Variants in PCDHGA4 observed in about 807,000 individuals in gnomAD.
The protein encoded by PCDHGA4 is protocadherin gamma-A4.
PCDHGA4 carries 38 observed loss-of-function variants against 54.6 expected under a neutral mutation model. The observed-to-expected ratio is 0.70, with a 90% CI of 0.54 to 0.91. The LOEUF is 0.91. Among genes scored for constraint, PCDHGA4 ranks in the 40% least tolerant of loss-of-function variants. The pLI is 0.00. For synonymous variants in PCDHGA4, 511 were observed against 512.9 expected, an observed-to-expected ratio of 1.00 and a Z score of 0.05; for missense variants, 1,298 against 1,220.9, an observed-to-expected ratio of 1.06 and a Z score of -0.94.
intron 1 of PCDHGA4, among the ~76,000 whole-genome samples, chr5:141,462,442 A>C (rs890167032): frequency 1.3e-5 from 2 of 152,150 alleles, no homozygotes; most frequent in African/African-American, 4.8e-5. Context: ...GCTTACACAC[A>C]ACTGTGTAAC....
chr5:141,437,794 G>A (rs1162440523), intron 1 of PCDHGA4, among the ~76,000 whole-genome samples: 3 of 150,526 alleles, frequency 2.0e-5, no homozygotes, highest in Non-Finnish European at 4.4e-5. Flanking sequence ...CTGGAGTGCA[G>A]TGGCACTATC....
intron 1 of PCDHGA4, chr5:141,372,620 C>T: frequency 6.2e-7 from 1 of 1,613,992 alleles, no homozygotes. Flanking sequence ...TTCTCCCCAC[C>T]TACAGCGAAA....
chr5:141,361,838 G>T lies in PCDHGA4; in HGVS notation c.2514+4217G>T, dbSNP rs761837286. ...CCACGGGTGCTGTACCCCGCGCTGG[G>T]GCCTGATGGCTCCGCCCTCTTCGAT... On this transcript the variant is annotated intron_variant, in intron 1 of 3. Coordinates refer to ENST00000571252, the MANE Select transcript of PCDHGA4 (RefSeq NM_018917.4). 27 of 1,612,714 alleles carry T rather than the reference G, an allele frequency of 1.7e-5. No individual in the cohort carries two copies. Among genetic ancestry groups the T allele is most frequent in the Non-Finnish European group, 2.2e-5 (26 of 1,179,748 alleles).
intron 1 of PCDHGA4, chr5:141,424,621 T>C (rs560809778): frequency 6.6e-6 from 1 of 152,346 alleles, no homozygotes; most frequent in Non-Finnish European, 1.5e-5. Context: ...TAGAGTAGTT[T>C]GTGAATATAT....
chr5:141,470,452 G>A (rs981528762), intron 1 of PCDHGA4, among the ~76,000 whole-genome samples: 1 of 152,130 alleles, frequency 6.6e-6, no homozygotes, highest in Admixed American at 6.5e-5. Flanking sequence ...ATAGCATCTT[G>A]AATAGGATTT....
intron 1 of PCDHGA4, chr5:141,403,630 G>A (rs2094436948): frequency 3.1e-6 from 5 of 1,613,786 alleles, no homozygotes; most frequent in Middle Eastern, 3.3e-4. Flanking sequence ...CCAGCACAGT[G>A]CGCATCCATG....
chr5:141,453,032 G>A (rs2098754281), intron 1 of PCDHGA4, among the ~76,000 whole-genome samples: 1 of 152,132 alleles, frequency 6.6e-6, no homozygotes, highest in Admixed American at 6.5e-5. Flanking sequence ...TTAAAATAAA[G>A]TTTGTTTCTA....
intron 1 of PCDHGA4, chr5:141,371,069 C>T (rs1417206970): frequency 3.1e-6 from 5 of 1,613,908 alleles, no homozygotes; most frequent in South Asian, 1.1e-5. Context: ...GAAGCTGTAC[C>T]ACCCAGATCA....
At chr5:141,460,981 GTGTATA>G (rs1450537646) in intron 1 of PCDHGA4, among the ~76,000 whole-genome samples, 10 of 121,882 alleles carry the variant, frequency 8.2e-5, no homozygotes, top group African/African-American at 3.1e-4. Flanking sequence ...GTGTGTGTGT[GTGTATA>G]TATATATATG....
At chr5:141,448,573 A>AT (rs976781630) in intron 1 of PCDHGA4, among the ~76,000 whole-genome samples, 10 of 151,772 alleles carry the variant, frequency 6.6e-5, no homozygotes, top group East Asian at 5.8e-4. Flanking sequence ...TTATTTCCCC[A>AT]TTTTTTTTAC....
intron 1 of PCDHGA4, among the ~76,000 whole-genome samples, chr5:141,387,169 T>C (rs1428422324): frequency 4.6e-5 from 7 of 152,140 alleles, no homozygotes; most frequent in East Asian, 1.9e-4. Flanking sequence ...TAAGTATAAA[T>C]TGCACCTTCT....
intron 1 of PCDHGA4, chr5:141,398,636 A>G (rs770681129): frequency 6.2e-7 from 1 of 1,614,074 alleles, no homozygotes; most frequent in Non-Finnish European, 8.5e-7. Context: ...CTGCAGAAGT[A>G]TAAACTCTCT....
In PCDHGA4 at chr5:141,489,835, C is replaced by G; in HGVS notation, c.2515-4972C>G. On this transcript the variant is annotated intron_variant, in intron 1 of 3. Transcript: ENST00000571252. This position sits in a 1 kb window ranked among gnomAD's most constrained non-coding sequence, Gnocchi z 4.5. Reference sequence around the variant, plus strand: ...ATTCCCAGAGCTGGTGCTAGAGCAGCAGCTGGATCGTGAAGCCCAGGCAAG... The same window carrying G: ...ATTCCCAGAGCTGGTGCTAGAGCAGGAGCTGGATCGTGAAGCCCAGGCAAG... The G allele has an allele frequency of 6.2e-7, 1 of 1,614,164 alleles. No homozygotes were observed. Among genetic ancestry groups the G allele is most frequent in the Non-Finnish European group, 8.5e-7 (1 of 1,179,972 alleles).
chr5:141,428,159 G>A (rs1377084529), intron 1 of PCDHGA4: 1 of 1,571,752 alleles, frequency 6.4e-7, no homozygotes, highest in East Asian at 2.2e-5. Context: ...GAACCTGCTG[G>A]TTGCTGTGCG....
At chr5:141,403,895 T>G in intron 1 of PCDHGA4, 1 of 1,613,884 alleles carries the variant, frequency 6.2e-7, no homozygotes, top group Non-Finnish European at 8.5e-7. Context: ...ATGTTCATTT[T>G]ATGAAATGGA....
intron 1 of PCDHGA4, chr5:141,371,242 A>C: frequency 6.2e-7 from 1 of 1,614,034 alleles, no homozygotes; most frequent in Non-Finnish European, 8.5e-7. Flanking sequence ...GCCTTCATCA[A>C]TATTGGCAAG....
At chr5:141,472,295 A>G (rs147192748) in intron 1 of PCDHGA4, among the ~76,000 whole-genome samples, 8,225 of 152,254 alleles carry the variant, frequency 0.054, 462 homozygotes, top group African/African-American at 0.15. Flanking sequence ...TAATCCCAGC[A>G]CTTTGGGAAG....
rs755576652 is a variant in PCDHGA4 at position 141,410,511 on chromosome 5, G to A, written c.2514+52890G>A. 4.3e-6 allele frequency: 7 copies of A among 1,613,942 alleles called. No individual in the cohort carries two copies. In the Admixed American group the frequency reaches 8.3e-5, roughly 19 times the overall value. On this transcript the variant is annotated intron_variant, in intron 1 of 3. Transcript: ENST00000571252. ...AAAGAGTTTAATTTCCTAAAATGCA[G>A]TGTGCCCCTACATTCCAATGAAGAC... is the stretch of plus-strand genomic sequence containing the variant.
At position 141,370,526 on chromosome 5, in the gene PCDHGA4, C is replaced by T. The variant is rs533530770; in HGVS notation, c.2514+12905C>T. 25 of 1,613,860 alleles carry T rather than the reference C, an allele frequency of 1.5e-5. No individual in the cohort carries two copies. In the East Asian group the frequency reaches 4.0e-4, roughly 26 times the overall value. ...CTATTCCCGAGGAGCTGGACAGGGG[C>T]TCGCTGGTAGGGAACCTCGCCAAGG... On this transcript the variant is annotated intron_variant, in intron 1 of 3. Transcript: ENST00000571252.
Sources: allele counts gnomAD v4.1 joint callset (sites outside exome capture counted in the v4.1 genomes callset), GRCh38; gene constraint gnomAD v4.1.1; non-coding constraint Gnocchi (gnomAD v3.1); transcripts MANE v1.5; gene names NCBI Gene and HGNC (gene_info 2026-07-23, HGNC 2026-07-21).